Variants in RGPD2 observed in about 807,000 individuals in gnomAD.
The protein encoded by RGPD2 is RANBP2 like and GRIP domain containing 2, also known as RANBP2-like and GRIP domain-containing protein 2.
Under a neutral mutation model 36.0 loss-of-function variants are expected in RGPD2, and 2 were observed. The ratio of observed to expected loss-of-function variants is 0.06; its 90% CI spans 0.02 to 0.17. RGPD2 has a LOEUF of 0.17. Among genes scored for constraint, RGPD2 ranks in the 10% least tolerant of loss-of-function variants. The pLI, the probability that RGPD2 is intolerant of heterozygous loss-of-function variation, is 1.00. For synonymous variants in RGPD2, 19 were observed against 163.8 expected, an observed-to-expected ratio of 0.12 and a Z score of 6.75; for missense variants, 40 against 464.3, an observed-to-expected ratio of 0.09 and a Z score of 8.40.
chr2:87,961,132 GAAAC>G, the RGPD2 span, among the ~76,000 whole-genome samples: 2 of 152,014 alleles, frequency 1.3e-5, no homozygotes, highest in African/African-American at 4.8e-5. Flanking sequence ...ATCTCATATA[GAAAC>G]AAACATTGAA....
At chr2:87,932,833 G>A in the RGPD2 span, among the ~76,000 whole-genome samples, 10 of 151,436 alleles carry the variant, frequency 6.6e-5, no homozygotes, top group East Asian at 1.8e-3. Flanking sequence ...TTAGTCTGAT[G>A]TACTTCCCTT....
chr2:87,939,300 G>T, the RGPD2 span, among the ~76,000 whole-genome samples: 5 of 152,128 alleles, frequency 3.3e-5, no homozygotes, highest in Non-Finnish European at 7.4e-5. Context: ...ATGATACCAA[G>T]ATGTTACCTT....
chr2:87,870,099 T>C, the RGPD2 span, among the ~76,000 whole-genome samples: 1 of 152,286 alleles, frequency 6.6e-6, no homozygotes, highest in Non-Finnish European at 1.5e-5. Flanking sequence ...TATATCTAAC[T>C]TCTGATCTCT....
At chr2:87,973,683 G>A in the RGPD2 span, among the ~76,000 whole-genome samples, 3 of 107,498 alleles carry the variant, frequency 2.8e-5, no homozygotes, top group Non-Finnish European at 3.9e-5. Context: ...TTAAAGAGAC[G>A]TGAACCAGCT....
chr2:87,959,867 TC>T, the RGPD2 span, among the ~76,000 whole-genome samples: 20 of 135,810 alleles, frequency 1.5e-4, no homozygotes, highest in Admixed American at 1.4e-3. Context: ...ATCAGCATCA[TC>T]TTTTTTTTTA....
intron 1 of RGPD2, among the ~76,000 whole-genome samples, chr2:87,824,407 C>G (rs1686516798): frequency 6.6e-6 from 1 of 152,078 alleles, no homozygotes; most frequent in Admixed American, 6.5e-5. Flanking sequence ...CACTCCAAAA[C>G]TCAGACATTC....
the RGPD2 span, among the ~76,000 whole-genome samples, chr2:87,923,327 C>T: frequency 1.3e-5 from 2 of 151,968 alleles, no homozygotes; most frequent in Non-Finnish European, 2.9e-5. Context: ...CCCATAGAAA[C>T]ATTTTGAGCA....
chr2:87,864,474 G>T, the RGPD2 span, among the ~76,000 whole-genome samples: 1 of 152,172 alleles, frequency 6.6e-6, no homozygotes, highest in Non-Finnish European at 1.5e-5. Context: ...CTCTCTTTCT[G>T]GTCCCCCAGC....
the RGPD2 span, among the ~76,000 whole-genome samples, chr2:87,963,671 C>A: frequency 7.6e-5 from 6 of 78,780 alleles, no homozygotes; most frequent in East Asian, 2.7e-4. Flanking sequence ...CAGAGAAAGA[C>A]CCTGTCTCAA....
the RGPD2 span, among the ~76,000 whole-genome samples, chr2:87,913,325 T>C: frequency 4.6e-5 from 7 of 151,364 alleles, no homozygotes; most frequent in African/African-American, 1.7e-4. Context: ...TTCTCACTCA[T>C]AGGTGGGAAC....
the RGPD2 span, among the ~76,000 whole-genome samples, chr2:87,834,825 T>C: frequency 4.3e-4 from 65 of 151,910 alleles, no homozygotes; most frequent in African/African-American, 1.5e-3. Context: ...AATGGTTAAG[T>C]GGATTTGAAA....
the RGPD2 span, among the ~76,000 whole-genome samples, chr2:87,984,000 C>T: frequency 2.6e-5 from 4 of 151,544 alleles, no homozygotes; most frequent in East Asian, 1.9e-4. Flanking sequence ...TACGCAGAGG[C>T]GTGACGAACG....
intron 20 of RGPD2, among the ~76,000 whole-genome samples, chr2:87,781,640 T>C (rs1420803793): frequency 1.3e-5 from 2 of 151,282 alleles, no homozygotes; most frequent in Middle Eastern, 3.4e-3. Context: ...TTTTGTATTT[T>C]CAGTAGAAAC....
At chr2:87,936,212 C>G in the RGPD2 span, among the ~76,000 whole-genome samples, 4 of 150,784 alleles carry the variant, frequency 2.7e-5, no homozygotes, top group Non-Finnish European at 4.4e-5. Context: ...ACTGAGAACC[C>G]CTGGTGTTGA....
chr2:87,979,959 G>T, the RGPD2 span, among the ~76,000 whole-genome samples: 1 of 150,698 alleles, frequency 6.6e-6, no homozygotes, highest in Non-Finnish European at 1.5e-5. Flanking sequence ...ACATGAGTGT[G>T]CATATATTAA....
the RGPD2 span, among the ~76,000 whole-genome samples, chr2:87,874,162 A>G: frequency 7.2e-6 from 1 of 138,120 alleles, no homozygotes; most frequent in Admixed American, 7.0e-5. Context: ...CCCATTCTCT[A>G]GGTTGTCTGT....
chr2:87,951,982 G>A, the RGPD2 span, among the ~76,000 whole-genome samples: 5 of 151,938 alleles, frequency 3.3e-5, no homozygotes, highest in South Asian at 1.0e-3. Context: ...AAAACTCACA[G>A]CTAATTGCCT....
At chr2:87,905,442 A>G in the RGPD2 span, among the ~76,000 whole-genome samples, 1 of 152,172 alleles carries the variant, frequency 6.6e-6, no homozygotes, top group African/African-American at 2.4e-5. Context: ...ACACCAGATA[A>G]AAACAAAATA....
the RGPD2 span, among the ~76,000 whole-genome samples, chr2:87,887,288 G>A: frequency 2.8e-3 from 427 of 151,506 alleles, no homozygotes; most frequent in Non-Finnish European, 4.5e-3. Flanking sequence ...GATCGAAACC[G>A]CAGGTAGTAA....
Sources: allele counts gnomAD v4.1 joint callset (sites outside exome capture counted in the v4.1 genomes callset), GRCh38; gene constraint gnomAD v4.1.1; transcripts MANE v1.5; gene names NCBI Gene and HGNC (gene_info 2026-07-23, HGNC 2026-07-21).